Variants in TMPRSS6 observed in about 807,000 individuals in gnomAD.
TMPRSS6 encodes the protein transmembrane protease serine 6.
TMPRSS6 carries 67 observed loss-of-function variants against 101.5 expected under a neutral mutation model. The observed-to-expected ratio is 0.66, with a 90% CI of 0.54 to 0.81. The LOEUF (loss-of-function observed/expected upper bound fraction) is 0.81. Among genes scored for constraint, TMPRSS6 ranks in the 30% least tolerant of loss-of-function variants. The pLI is 0.00. For missense variants in TMPRSS6, 1,034 were observed against 1,088.7 expected (o/e 0.95, Z 0.71); for synonymous variants, 453 against 464.9 (o/e 0.97, Z 0.33).
rs1427605694 is a variant in TMPRSS6, at chr22:37,069,051, G to A, written c.2113+22C>T. On this transcript the variant is annotated intron_variant, in intron 16 of 17. Transcript: ENST00000676104. This position sits in a 1 kb window ranked among gnomAD's most constrained non-coding sequence, Gnocchi z 4.8. ...TCCGCACGGTCTCCCTCCGCCTCCCGCCGCAAGTCCCCGCTGCTCACCGCC... is the reference window on the plus strand; with the variant it reads ...TCCGCACGGTCTCCCTCCGCCTCCCACCGCAAGTCCCCGCTGCTCACCGCC... The A allele has an allele frequency of 1.3e-6, 2 of 1,535,698 alleles. No individual in the cohort carries two copies. The highest frequency in any genetic ancestry group is 1.7e-6 in the Non-Finnish European group (2 of 1,147,014).
Position 37,098,419 on chromosome 22 carries a change from C to T in TMPRSS6, c.333G>A (p.Lys111=). The part of the protein sequence containing the change: ...AFRSETAKAQ[K]MLKELITSTR... The stretch of plus-strand genomic sequence containing the variant: ...CATCCCCCAGATCCTTTCCTACCAT[C>T]TTCTGGGCTTTGGCGGTTTCACTGC... Residue 111 remains lysine (K), a synonymous_variant, in exon 3 of 18, where the codon AAG becomes AAA. Transcript: ENST00000676104. The T allele has an allele frequency of 6.2e-7, 1 of 1,613,990 alleles. No homozygotes were observed. The highest frequency in any genetic ancestry group is 8.5e-7 in the Non-Finnish European group (1 of 1,179,988).
At position 37,086,365 on chromosome 22, in the gene TMPRSS6, G is replaced by A. The variant is rs1928774828; in HGVS notation, c.891C>T (p.Ala297=). Residue 297 remains alanine (A), a synonymous_variant, in exon 8 of 18, where the codon GCC becomes GCT. Transcript: ENST00000676104. Reference sequence around the variant, plus strand: ...CCTTCTTCCAGACGACCGCCATGATGGCCCCCGACGCCAGAACCTCCACCA... The same window carrying A: ...CCTTCTTCCAGACGACCGCCATGATAGCCCCCGACGCCAGAACCTCCACCA... The part of the protein sequence containing the change: ...EPVVEVLASG[A]IMAVVWKKGL... The A allele has an allele frequency of 6.2e-7, 1 of 1,611,928 alleles. No homozygotes were observed. The highest frequency in any genetic ancestry group is 1.7e-5 in the Admixed American group (1 of 59,744).
Position 37,069,775 on chromosome 22 carries a change from GGGAGCGGGTGGGAGTTGAGCGT to G in TMPRSS6, c.1842-453_1842-432del, listed in dbSNP as rs1489386417. ...TCCCTGAGGCTGGTGGGTCCTAGTG[GGGAGCGGGTGGGAGTTGAGCGT>G]GGAGGAATTGGACTGCGGCAGTCAG... On this transcript the variant is annotated intron_variant, in intron 15 of 17. Transcript: ENST00000676104. The surrounding 1 kb of genome is among the most constrained non-coding windows in gnomAD (Gnocchi z 4.8). Among the ~76,000 whole-genome samples, 4 of 152,212 alleles carry G rather than the reference GGGAGCGGGTGGGAGTTGAGCGT, an allele frequency of 2.6e-5. No individual in the cohort carries two copies. The highest frequency in any genetic ancestry group is 9.6e-5 in the African/African-American group (4 of 41,452).
chr22:37,100,865 T>C (rs1351301490), intron 2 of TMPRSS6, among the ~76,000 whole-genome samples: 1 of 152,166 alleles, frequency 6.6e-6, no homozygotes, highest in Non-Finnish European at 1.5e-5. Flanking sequence ...AAAAGCAACC[T>C]GCTGAGCGGA....
At chr22:37,079,601 TC>T (rs966219950) in intron 10 of TMPRSS6, among the ~76,000 whole-genome samples, 1 of 152,210 alleles carries the variant, frequency 6.6e-6, no homozygotes, top group Non-Finnish European at 1.5e-5. Flanking sequence ...TTGCCAGAGC[TC>T]TAGACCTGGG....
intron 12 of TMPRSS6, 152 bp from the exon 13 acceptor site, chr22:37,073,797 G>A (rs1156611881): frequency 2.2e-5 from 15 of 692,288 alleles, no homozygotes; most frequent in East Asian, 1.1e-4. Flanking sequence ...CTCTTGTCAC[G>A]AAGGCTGGAG....
chr22:37,094,019 TTA>T (rs56784584), intron 6 of TMPRSS6, among the ~76,000 whole-genome samples: 1 of 149,848 alleles, frequency 6.7e-6, no homozygotes, highest in Middle Eastern at 3.4e-3. Flanking sequence ...TGAGACTCTG[TTA>T]TATATATATA....
At position 37,089,693 on chromosome 22, in the gene TMPRSS6, G is replaced by T; in HGVS notation, c.721C>A (p.Gln241Lys). The change falls in exon 7 of 18, where the codon CAG becomes AAG. Residue 241 changes from glutamine (Q) to lysine (K), a missense_variant. Coordinates refer to ENST00000676104, the MANE Select transcript of TMPRSS6 (RefSeq NM_001374504.1). Reference protein sequence around the residue: ...HLASSCLWHLQGPKDLMLKLR... With the variant: ...HLASSCLWHLKGPKDLMLKLR... ...TTGAGCATGAGGTCCTTGGGGCCCT[G>T]CAGGTGCCACAGGCAGCTGGAGGCC... The T allele has an allele frequency of 1.2e-6, 2 of 1,612,184 alleles. No individual in the cohort carries two copies. The highest frequency in any genetic ancestry group is 2.2e-5 in the South Asian group (2 of 90,606).
At chr22:37,072,272 GTTGC>G (rs1927050049) in intron 13 of TMPRSS6, among the ~76,000 whole-genome samples, 35 of 125,504 alleles carry the variant, frequency 2.8e-4, no homozygotes, top group South Asian at 7.9e-4. Flanking sequence ...ATGATGGATG[GTTGC>G]ATGGATGGAT....
At chr22:37,098,289 TG>T in intron 3 of TMPRSS6, 126 bp downstream of exon 3, 1 of 1,413,270 alleles carries the variant, frequency 7.1e-7, no homozygotes, top group Non-Finnish European at 1.0e-6. Context: ...CCATGGTGCC[TG>T]GAGCAGGGCT....
chr22:37,091,184 G>A (rs956463270), intron 6 of TMPRSS6, among the ~76,000 whole-genome samples: 2 of 152,218 alleles, frequency 1.3e-5, no homozygotes, highest in Non-Finnish European at 2.9e-5. Flanking sequence ...GTTCTCTCCC[G>A]TGGAGCATCC....
intron 3 of TMPRSS6, among the ~76,000 whole-genome samples, chr22:37,097,571 T>C (rs1306193778): frequency 6.6e-6 from 1 of 152,276 alleles, no homozygotes; most frequent in Non-Finnish European, 1.5e-5. Flanking sequence ...CCTGCCTTGC[T>C]GGGCAGTGGT....
chr22:37,068,954 T>A, intron 16 of TMPRSS6, 119 bp downstream of exon 16: 1 of 1,462,082 alleles, frequency 6.8e-7, no homozygotes, highest in South Asian at 1.4e-5. Context: ...ATCCCAGCAC[T>A]AGAGGGCCTA....
At chr22:37,092,906 CT>C (rs983645457) in intron 6 of TMPRSS6, among the ~76,000 whole-genome samples, 1 of 152,216 alleles carries the variant, frequency 6.6e-6, no homozygotes, top group Non-Finnish European at 1.5e-5. Flanking sequence ...GATTTGCCCC[CT>C]CTTCTGCTTT....
chr22:37,100,835 C>T (rs1930254973), intron 2 of TMPRSS6, among the ~76,000 whole-genome samples: 2 of 152,162 alleles, frequency 1.3e-5, no homozygotes, highest in African/African-American at 4.8e-5. Context: ...AGAGGCCCCA[C>T]CCATCAGCAG....
intron 16 of TMPRSS6, among the ~76,000 whole-genome samples, chr22:37,067,395 G>A (rs965846142): frequency 1.3e-5 from 2 of 152,124 alleles, no homozygotes; most frequent in Non-Finnish European, 2.9e-5. Flanking sequence ...GCTTGAACCC[G>A]GGAGGAGGGG....
chr22:37,093,018 G>C (rs1929408160), intron 6 of TMPRSS6, among the ~76,000 whole-genome samples: 1 of 152,188 alleles, frequency 6.6e-6, no homozygotes, highest in Non-Finnish European at 1.5e-5. Flanking sequence ...TCCCTCATGG[G>C]GCTTAAAGCT....
chr22:37,090,090 C>G (rs796173715), intron 6 of TMPRSS6, among the ~76,000 whole-genome samples: 2 of 152,360 alleles, frequency 1.3e-5, no homozygotes, highest in East Asian at 1.9e-4. Context: ...CAGACAGACA[C>G]AGAACAGGCA....
intron 13 of TMPRSS6, among the ~76,000 whole-genome samples, chr22:37,072,514 A>AGATGGATGATGGATGAATG (rs1459750960): frequency 1.1e-5 from 1 of 90,918 alleles, no homozygotes; most frequent in East Asian, 4.2e-4. Flanking sequence ...GACGATGGAC[A>AGATGGATGATGGATGAATG]GATGGATGAT....
Sources: gnomAD v4.1 joint callset for allele counts (sites outside exome capture counted in the v4.1 genomes callset) on GRCh38, gnomAD v4.1.1 for gene constraint, Gnocchi (gnomAD v3.1) non-coding constraint, MANE v1.5 for transcripts, NCBI Gene and HGNC (gene_info 2026-07-23, HGNC 2026-07-21) for gene names.